The following CEP44 variants were observed in gnomAD, a reference collection of about 807,000 sequenced individuals.
The protein encoded by CEP44 is centrosomal protein 44, also known as centrosomal protein of 44 kDa.
Under a neutral mutation model 46.7 loss-of-function variants are expected in CEP44, and 45 were observed. That is an observed-to-expected ratio of 0.96 (90% confidence interval 0.76 to 1.24). CEP44 has a LOEUF of 1.24. Ranked by LOEUF, CEP44 falls within the 50% of genes most tolerant of loss-of-function variation. The pLI is 0.00. For missense variants in CEP44, 475 were observed against 459.7 expected (o/e 1.03, Z -0.30); for synonymous variants, 142 against 146.0 (o/e 0.97, Z 0.20).
chr4:174,331,624 T>C lies in CEP44; in HGVS notation c.*29T>C. The C allele has an allele frequency of 6.5e-7, 1 of 1,547,014 alleles. No homozygotes were observed. The highest frequency in any genetic ancestry group is 2.4e-5 in the East Asian group (1 of 40,842). ...CTGTTTCTTGGATCCTGTGCTTACC[T>C]TTTCCTGCTGTACTCTGATGTTTCA... is the stretch of plus-strand genomic sequence containing the variant. On this transcript the variant is annotated 3_prime_UTR_variant, in exon 9 of 9. Coordinates refer to the CEP44 transcript ENST00000426172. This position sits in a 1 kb window ranked among gnomAD's most constrained non-coding sequence, Gnocchi z 4.5.
chr4:174,313,777 G>A (rs1030553724), intron 9 of CEP44, among the ~76,000 whole-genome samples: 4 of 152,120 alleles, frequency 2.6e-5, no homozygotes, highest in African/African-American at 9.7e-5. Context: ...TACAAAAAGG[G>A]TGAAGGAGAG....
rs893504285 is a variant in CEP44, at chr4:174,318,546, G to A, written c.*1163G>A. 5.8e-6 allele frequency: 5 copies of A among 864,154 alleles called. No homozygotes were observed. The highest frequency in any genetic ancestry group is 6.9e-6 in the Non-Finnish European group (5 of 720,118). The allele number at this position is 864,154 out of a possible 1,614,324, so 53.5% of individuals were successfully genotyped here. On this transcript the variant is annotated 3_prime_UTR_variant, in exon 12 of 12. Coordinates refer to ENST00000503780, the MANE Select transcript of CEP44 (RefSeq NM_001040157.3). ...TCTTTTTTTAAACTTGTAGATAAAA[G>A]TGTTCCAGTAATCAGAAAATCCTCA...
chr4:174,293,660 G>A (rs757387351), intron 1 of CEP44, among the ~76,000 whole-genome samples: 23 of 152,058 alleles, frequency 1.5e-4, no homozygotes, highest in Non-Finnish European at 1.8e-4. Flanking sequence ...CTGTGACTTT[G>A]CTATACTCAC....
chr4:174,328,135 G>T (rs1289051209), intron 8 of CEP44, among the ~76,000 whole-genome samples: 2 of 152,162 alleles, frequency 1.3e-5, no homozygotes, highest in Non-Finnish European at 2.9e-5. Flanking sequence ...GCATGAAAGG[G>T]GATCAATTGG....
chr4:174,284,903 C>G (rs1049125368), intron 1 of CEP44, among the ~76,000 whole-genome samples: 25 of 152,182 alleles, frequency 1.6e-4, no homozygotes, highest in African/African-American at 5.8e-4. Flanking sequence ...TTATTAGAGT[C>G]AGTGTAGTTG....
chr4:174,313,691 TAGTG>T lies in CEP44; in HGVS notation c.962-2472_962-2469del, dbSNP rs1465078168. On this transcript the variant is annotated intron_variant, in intron 9 of 11. Coordinates refer to ENST00000503780, the MANE Select transcript of CEP44 (RefSeq NM_001040157.3). ...ATGAGGGTCTCTACTAAGGCAATGA[TAGTG>T]AGGATAAAGAGCAGGTGATTTATTT... Among the ~76,000 whole-genome samples the T allele has an allele frequency of 2.6e-5, 4 of 152,244 alleles. No individual in the cohort carries two copies. In the East Asian group the frequency reaches 7.7e-4, roughly 29 times the overall value.
rs886098456 is a variant in CEP44, at chr4:174,301,717, G to A, written c.90-322G>A. ...AAGTGTACTTCAATTTTGTAAGATG[G>A]TACATTGCTTTTATTAGTAGTAGAA... On this transcript the variant is annotated intron_variant, in intron 3 of 11. Coordinates refer to ENST00000503780, the MANE Select transcript of CEP44 (RefSeq NM_001040157.3). The surrounding 1 kb of genome is among the most constrained non-coding windows in gnomAD (Gnocchi z 4.3). Among the ~76,000 whole-genome samples the A allele has an allele frequency of 1.3e-5, 2 of 152,246 alleles. No homozygotes were observed. Among genetic ancestry groups the A allele is most frequent in the East Asian group, 3.9e-4 (2 of 5,180 alleles).
rs1737711915 is a variant in CEP44, at chr4:174,287,605, A to G, written c.-148+3662A>G. On this transcript the variant is annotated intron_variant, in intron 1 of 11. Coordinates refer to ENST00000503780, the MANE Select transcript of CEP44 (RefSeq NM_001040157.3). This position sits in a 1 kb window ranked among gnomAD's most constrained non-coding sequence, Gnocchi z 5.1. ...TATAATATTTTAAATTAACTAAATCACACACATTCTCTTTTTCATCATTAC... is the reference window on the plus strand; with the variant it reads ...TATAATATTTTAAATTAACTAAATCGCACACATTCTCTTTTTCATCATTAC... Among the ~76,000 whole-genome samples, 1 of 152,288 alleles carries G rather than the reference A, an allele frequency of 6.6e-6. No individual in the cohort carries two copies. Among genetic ancestry groups the G allele is most frequent in the East Asian group, 1.9e-4 (1 of 5,186 alleles).
chr4:174,296,304 G>A (rs1411689731), intron 1 of CEP44, among the ~76,000 whole-genome samples: 3 of 152,054 alleles, frequency 2.0e-5, no homozygotes, highest in African/African-American at 4.8e-5. Flanking sequence ...CACTCATTGT[G>A]TTCTTTCAAT....
rs202124544 is a variant in CEP44, at chr4:174,304,350, G to T, written c.488G>T (p.Arg163Met). ...GCTGTTGGCGTTGATATCAGTGGCA[G>T]GTTTATGACCTCAGGAAAGGTATGC... ...AEAVGVDISGRFMTSGKKKAV... is the reference protein window; with the variant it reads ...AEAVGVDISGMFMTSGKKKAV... Residue 163 changes from arginine (R) to methionine (M), a missense_variant, in exon 6 of 12, where the codon AGG (arginine) becomes ATG (methionine). Physicochemically the swap from Arg to Met is moderately conservative, Grantham distance 91. Coordinates refer to ENST00000503780, the MANE Select transcript of CEP44 (RefSeq NM_001040157.3). 3 of 1,610,814 alleles carry T rather than the reference G, an allele frequency of 1.9e-6. No individual in the cohort carries two copies. In the South Asian group the frequency reaches 3.3e-5, roughly 18 times the overall value.
At chr4:174,307,208 A>G (rs1440258869) in intron 6 of CEP44, among the ~76,000 whole-genome samples, 1 of 152,156 alleles carries the variant, frequency 6.6e-6, no homozygotes, top group Non-Finnish European at 1.5e-5. Flanking sequence ...CCAACTTCAA[A>G]CTATACTACA....
At chr4:174,294,799 G>T (rs1168328201) in intron 1 of CEP44, among the ~76,000 whole-genome samples, 4 of 142,904 alleles carry the variant, frequency 2.8e-5, no homozygotes, top group South Asian at 2.2e-4. Context: ...CTGGCCGGGT[G>T]GGGGGCTGAC....
intron 7 of CEP44, 139 bp downstream of exon 7, chr4:174,308,998 A>T: frequency 1.3e-6 from 1 of 755,538 alleles, no homozygotes. Context: ...ACAATTACTG[A>T]AGTGTCAATA....
chr4:174,294,390 CAGA>C (rs1031835213), intron 1 of CEP44, among the ~76,000 whole-genome samples: 15 of 152,082 alleles, frequency 9.9e-5, no homozygotes, highest in Non-Finnish European at 1.2e-4. Context: ...GATCCCAAGG[CAGA>C]AGAATTTTTC....
At chr4:174,296,911 A>G (rs544205876) in intron 1 of CEP44, among the ~76,000 whole-genome samples, 2 of 152,064 alleles carry the variant, frequency 1.3e-5, no homozygotes, top group Non-Finnish European at 2.9e-5. Context: ...TGTCAGGTGC[A>G]TATACATTAA....
Position 174,310,874 on chromosome 4 carries a change from C to G in CEP44, c.961+16C>G. 4 of 1,176,712 alleles carry G rather than the reference C, an allele frequency of 3.4e-6. No homozygotes were observed. Among genetic ancestry groups the G allele is most frequent in the Non-Finnish European group, 5.0e-6 (4 of 807,914 alleles). 72.9% of individuals were successfully genotyped at this position (1,176,712 alleles called of 1,614,324 possible). ...CTGAATCCTCGTAAGTTTGTAAATA[C>G]TATGAGAATTGGTATGATGAGTTTT... On this transcript the variant is annotated intron_variant, in intron 9 of 11. Transcript: ENST00000503780. This position sits in a 1 kb window ranked among gnomAD's most constrained non-coding sequence, Gnocchi z 4.2.
In CEP44 at chr4:174,318,288, C is replaced by G; in HGVS notation, c.*905C>G. 1.0e-6 allele frequency: 1 copy of G among 972,810 alleles called. No homozygotes were observed. The highest frequency in any genetic ancestry group is 1.2e-6 in the Non-Finnish European group (1 of 818,578). 60.3% of individuals were successfully genotyped at this position (972,810 alleles called of 1,614,324 possible). A position where few individuals can be genotyped will look rare whatever the true frequency, so the allele number is the denominator to read the frequency against. On this transcript the variant is annotated 3_prime_UTR_variant, in exon 12 of 12. Transcript: ENST00000503780. ...GTGTTGGTCAGGCTGGTCTCAAACTCCTGACCTCAGGTGATCTGCCTGTCT... is the reference window on the plus strand; with the variant it reads ...GTGTTGGTCAGGCTGGTCTCAAACTGCTGACCTCAGGTGATCTGCCTGTCT...
intron 6 of CEP44, among the ~76,000 whole-genome samples, chr4:174,305,303 A>T (rs1740254527): frequency 6.6e-6 from 1 of 152,062 alleles, no homozygotes; most frequent in Non-Finnish European, 1.5e-5. Context: ...AAAATACAAA[A>T]ATTAGCTAGG....
chr4:174,328,280 A>G (rs151056553), intron 8 of CEP44, among the ~76,000 whole-genome samples: 2 of 152,310 alleles, frequency 1.3e-5, no homozygotes, highest in African/African-American at 4.8e-5. Context: ...GACTGGTTGG[A>G]TAACGGAAAG....
Sources: allele counts gnomAD v4.1 joint callset (sites outside exome capture counted in the v4.1 genomes callset), GRCh38; gene constraint gnomAD v4.1.1; non-coding constraint Gnocchi (gnomAD v3.1); transcripts MANE v1.5; gene names NCBI Gene and HGNC (gene_info 2026-07-23, HGNC 2026-07-21).